The following LOC101059915 variants were observed in gnomAD, a reference collection of about 807,000 sequenced individuals.
At chrX:71,670,746 T>C in the LOC101059915 span, 1 of 1,087,224 alleles carries the variant, frequency 9.2e-7, no homozygotes, top group East Asian at 3.5e-5. Context: ...GTATAGGTGG[T>C]GTCACTGGGA....
the LOC101059915 span, among the ~76,000 whole-genome samples, chrX:71,669,269 T>G: frequency 8.9e-6 from 1 of 111,811 alleles, no homozygotes; most frequent in African/African-American, 3.3e-5. Flanking sequence ...GTGCCAGGCC[T>G]GGCTCTGGAC....
the LOC101059915 span, chrX:71,667,882 G>A: frequency 1.4e-5 from 15 of 1,108,459 alleles, no homozygotes; most frequent in South Asian, 4.6e-5. Flanking sequence ...CGCCCACACC[G>A]CCAGCCCGGG....
the LOC101059915 span, chrX:71,667,666 C>T: frequency 3.2e-6 from 2 of 617,091 alleles, no homozygotes; most frequent in East Asian, 4.5e-5. Context: ...CCACCCTTCC[C>T]TGCTGTATCA....
chrX:71,670,206 C>T, the LOC101059915 span: 1 of 1,162,288 alleles, frequency 8.6e-7, no homozygotes, highest in Non-Finnish European at 1.2e-6. Flanking sequence ...CCTGCTACGC[C>T]CTTTCCACCT....
chrX:71,670,649 A>T, the LOC101059915 span: 1 of 1,112,336 alleles, frequency 9.0e-7, no homozygotes, highest in Non-Finnish European at 1.2e-6. Context: ...GACCTTAGAG[A>T]CCAACTAGGT....
the LOC101059915 span, chrX:71,670,716 G>T: frequency 9.1e-7 from 1 of 1,101,547 alleles, no homozygotes; most frequent in Admixed American, 3.8e-5. Flanking sequence ...GCAGGTGCTG[G>T]TGGTGGGGGT....
the LOC101059915 span, chrX:71,670,644 T>C: frequency 4.5e-6 from 5 of 1,108,737 alleles, no homozygotes; most frequent in East Asian, 6.7e-5. Flanking sequence ...TTGAAGACCT[T>C]AGAGACCAAC....
the LOC101059915 span, chrX:71,668,863 G>T: frequency 9.1e-7 from 1 of 1,099,089 alleles, no homozygotes; most frequent in Non-Finnish European, 1.2e-6. Context: ...AGTTCCACCT[G>T]ATCCGGCTAG....
chrX:71,669,176 T>C, the LOC101059915 span: 1 of 839,103 alleles, frequency 1.2e-6, no homozygotes, highest in Non-Finnish European at 1.6e-6. Flanking sequence ...TGCTCACAGG[T>C]TGTCATCGGG....
chrX:71,668,162 G>T, the LOC101059915 span: 3 of 1,131,838 alleles, frequency 2.7e-6, no homozygotes, highest in Non-Finnish European at 3.5e-6. Flanking sequence ...AGCGTCCAGG[G>T]ACACCCGTCC....
chrX:71,670,653 A>G, the LOC101059915 span: 2 of 1,114,273 alleles, frequency 1.8e-6, no homozygotes, highest in East Asian at 3.3e-5. Context: ...TTAGAGACCA[A>G]CTAGGTATGA....
At chrX:71,669,058 C>T in the LOC101059915 span, 337 of 1,141,677 alleles carry the variant, frequency 3.0e-4, 1 homozygote, top group African/African-American at 5.2e-3. Flanking sequence ...GTTCTCTTCG[C>T]GCACTCCTCC....
the LOC101059915 span, chrX:71,671,394 C>T: frequency 8.2e-6 from 5 of 610,525 alleles, no homozygotes; most frequent in African/African-American, 1.1e-4. Context: ...CAGCTGCTAC[C>T]TTTGGAGCTC....
chrX:71,667,586 A>C, the LOC101059915 span: 13 of 280,710 alleles, frequency 4.6e-5, no homozygotes, highest in Non-Finnish European at 4.3e-5. Flanking sequence ...TGTCAGTGAC[A>C]TCTCGTGAGC....
chrX:71,669,594 C>T, the LOC101059915 span: 19 of 961,593 alleles, frequency 2.0e-5, no homozygotes, highest in Middle Eastern at 3.0e-4. Context: ...TTTCTCTGTC[C>T]GTGCGTCGTG....
At chrX:71,669,966 C>G in the LOC101059915 span, among the ~76,000 whole-genome samples, 2 of 112,467 alleles carry the variant, frequency 1.8e-5, no homozygotes, top group Non-Finnish European at 3.8e-5. Context: ...TTCGGCAGTA[C>G]TGAGCCCTTT....
chrX:71,668,872 A>G, the LOC101059915 span: 20 of 1,102,421 alleles, frequency 1.8e-5, no homozygotes, highest in Non-Finnish European at 2.0e-5. Flanking sequence ...TGATCCGGCT[A>G]GCTTCCCGCC....
chrX:71,670,518 G>A, the LOC101059915 span: 1 of 1,070,165 alleles, frequency 9.3e-7, no homozygotes, highest in South Asian at 2.3e-5. Flanking sequence ...GCAGGCTATG[G>A]GGGCTATAAG....
At chrX:71,671,323 G>A in the LOC101059915 span, 1 of 1,049,745 alleles carries the variant, frequency 9.5e-7, no homozygotes, top group Admixed American at 2.8e-5. Context: ...CCCTGGCTGG[G>A]GGCCCATCCC....
Sources: allele counts gnomAD v4.1 joint callset (sites outside exome capture counted in the v4.1 genomes callset), GRCh38; gene constraint gnomAD v4.1.1; transcripts MANE v1.5.